UBE2N: variants seen among roughly 807,000 people sequenced by gnomAD.
The protein encoded by UBE2N is ubiquitin conjugating enzyme E2 N, also known as ubiquitin-conjugating enzyme E2 N.
For synonymous variants in UBE2N, 70 were observed against 69.2 expected (o/e 1.01, Z -0.06); for missense variants, 60 against 192.1 (o/e 0.31, Z 4.07).
chr12:93,440,116 T>G (rs1269325716), intron 1 of UBE2N, among the ~76,000 whole-genome samples: 2 of 152,234 alleles, frequency 1.3e-5, no homozygotes, highest in East Asian at 3.8e-4. Context: ...CACTATGTAT[T>G]TCAGAGAATT....
chr12:93,420,036 G>GTTCT (rs1365283863), intron 1 of UBE2N, among the ~76,000 whole-genome samples: 1 of 152,062 alleles, frequency 6.6e-6, no homozygotes, highest in East Asian at 1.9e-4. Flanking sequence ...CCCCTCCCTT[G>GTTCT]TTCTTTCTTT....
intron 1 of UBE2N, among the ~76,000 whole-genome samples, chr12:93,435,650 TA>T (rs1450726779): frequency 6.6e-6 from 1 of 152,248 alleles, no homozygotes; most frequent in African/African-American, 2.4e-5. Flanking sequence ...GTGAGTTTTC[TA>T]AATCACTTTT....
At position 93,405,788 on chromosome 12, in the gene UBE2N, T is replaced by C. The variant is rs930171356; in HGVS notation, c.*4251A>G. The stretch of plus-strand genomic sequence containing the variant: ...ATTTAAAGTATAAACCCTCATATAA[T>C]TCCCTAAGATGGGTGGCATGCCAAG... On this transcript the variant is annotated 3_prime_UTR_variant, in exon 4 of 4. Coordinates refer to ENST00000318066, the MANE Select transcript of UBE2N (RefSeq NM_003348.4). The C allele has an allele frequency of 6.6e-6, 1 of 152,202 alleles. No individual in the cohort carries two copies. The highest frequency in any genetic ancestry group is 1.5e-5 in the Non-Finnish European group (1 of 68,020). The allele number at this position is 152,202 out of a possible 1,614,324, so 9.4% of individuals were successfully genotyped here. A position where few individuals can be genotyped will look rare whatever the true frequency, so the allele number is the denominator to read the frequency against.
intron 3 of UBE2N, 83 bp from the exon 4 acceptor site, chr12:93,410,162 TATTA>T (rs1877992169): frequency 7.6e-7 from 1 of 1,321,662 alleles, no homozygotes; most frequent in Non-Finnish European, 1.1e-6. Flanking sequence ...AAACAACCAC[TATTA>T]ATTATGGAAA....
At chr12:93,441,800 C>T in intron 1 of UBE2N, 55 bp downstream of exon 1, 2 of 1,570,776 alleles carry the variant, frequency 1.3e-6, no homozygotes, top group South Asian at 1.2e-5. Flanking sequence ...CGCTGCCTGC[C>T]CAGCTGAGCC....
intron 1 of UBE2N, among the ~76,000 whole-genome samples, chr12:93,419,344 C>T (rs904246922): frequency 1.3e-5 from 2 of 151,414 alleles, no homozygotes; most frequent in Non-Finnish European, 2.9e-5. Context: ...GAGCCGAGAT[C>T]GTGCCACTGC....
chr12:93,418,144 T>TA (rs144788306), intron 1 of UBE2N, among the ~76,000 whole-genome samples: 12,415 of 151,976 alleles, frequency 0.082, 1,609 homozygotes, highest in African/African-American at 0.28. Flanking sequence ...AGTGAGCATT[T>TA]AAAAAATGTT....
rs1283874319 is a variant in UBE2N, at chr12:93,407,684, T to G, written c.*2355A>C. 1 of 152,196 alleles carries G rather than the reference T, an allele frequency of 6.6e-6. No homozygotes were observed. The highest frequency in any genetic ancestry group is 6.5e-5 in the Admixed American group (1 of 15,278). The allele number at this position is 152,196 out of a possible 1,614,324, so 9.4% of individuals were successfully genotyped here. Reference sequence around the variant, plus strand: ...TGGATTTTCATGCAAATCTCCCAATTTTTAAAAATGTTGGCATCAAATTCA... The same window carrying G: ...TGGATTTTCATGCAAATCTCCCAATGTTTAAAAATGTTGGCATCAAATTCA... On this transcript the variant is annotated 3_prime_UTR_variant, in exon 4 of 4. Transcript: ENST00000318066.
chr12:93,410,945 C>T, intron 2 of UBE2N, 71 bp from the exon 3 acceptor site: 3 of 1,613,724 alleles, frequency 1.9e-6, no homozygotes, highest in Non-Finnish European at 2.5e-6. Context: ...ACTTCCCTCC[C>T]ACAGACCTCT....
chr12:93,434,230 T>G (rs7303001), intron 1 of UBE2N, among the ~76,000 whole-genome samples: 6,319 of 152,280 alleles, frequency 0.041, 452 homozygotes, highest in African/African-American at 0.14. Flanking sequence ...AGGTGGAGAT[T>G]GCAGTTAGCC....
At chr12:93,410,215 T>C (rs1191006755) in intron 3 of UBE2N, 136 bp from the exon 4 acceptor site, 2 of 807,368 alleles carry the variant, frequency 2.5e-6, no homozygotes, top group Non-Finnish European at 3.8e-6. Flanking sequence ...CCTTTTTCTA[T>C]AAATTGGATC....
intron 1 of UBE2N, among the ~76,000 whole-genome samples, chr12:93,426,464 A>AC (rs1435295603): frequency 6.6e-6 from 1 of 152,108 alleles, no homozygotes; most frequent in Non-Finnish European, 1.5e-5. Flanking sequence ...GTGTAAGTAA[A>AC]CAGTTTTCTT....
intron 1 of UBE2N, among the ~76,000 whole-genome samples, chr12:93,419,149 C>T (rs575790400): frequency 6.6e-6 from 1 of 152,278 alleles, no homozygotes; most frequent in East Asian, 1.9e-4. Flanking sequence ...CCTATAATCC[C>T]AGCACTTTGG....
rs1877844320 is a variant in UBE2N at position 93,406,785 on chromosome 12, G to C, written c.*3254C>G. The C allele has an allele frequency of 6.6e-6, 1 of 152,154 alleles. No individual in the cohort carries two copies. Among genetic ancestry groups the C allele is most frequent in the Non-Finnish European group, 1.5e-5 (1 of 68,030 alleles). The allele number at this position is 152,154 out of a possible 1,614,324, so 9.4% of individuals were successfully genotyped here. ...ATATACAACATCATTTTATTCCAGA[G>C]ACTTGAGCATCTGCGAATTTGGATA... On this transcript the variant is annotated 3_prime_UTR_variant, in exon 4 of 4. Coordinates refer to ENST00000318066, the MANE Select transcript of UBE2N (RefSeq NM_003348.4).
chr12:93,420,332 C>G (rs988412802), intron 1 of UBE2N, among the ~76,000 whole-genome samples: 1 of 152,072 alleles, frequency 6.6e-6, no homozygotes, highest in Non-Finnish European at 1.5e-5. Flanking sequence ...AAACCTAGAC[C>G]AGATCAATAT....
chr12:93,429,670 T>C (rs1878700078), intron 1 of UBE2N, among the ~76,000 whole-genome samples: 1 of 152,082 alleles, frequency 6.6e-6, no homozygotes, highest in South Asian at 2.1e-4. Flanking sequence ...TGTGTGTTAC[T>C]GCCCCTGAAG....
chr12:93,427,036 C>T (rs1457846467), intron 1 of UBE2N, among the ~76,000 whole-genome samples: 1 of 152,198 alleles, frequency 6.6e-6, no homozygotes, highest in East Asian at 1.9e-4. Context: ...TCTCCCACCT[C>T]AGCCTCCCAA....
chr12:93,421,218 G>C (rs1489004179), intron 1 of UBE2N, among the ~76,000 whole-genome samples: 1 of 141,542 alleles, frequency 7.1e-6, no homozygotes, highest in African/African-American at 2.7e-5. Context: ...GGGGGGGCTG[G>C]GGGGACAGAT....
At position 93,409,557 on chromosome 12, in the gene UBE2N, G is replaced by A. The variant is rs1877971799; in HGVS notation, c.*482C>T. ...TGTCCATCTACAGCGTCTAAATAAA[G>A]TTAGACTTGGCTAGAGCATATTCTA... On this transcript the variant is annotated 3_prime_UTR_variant, in exon 4 of 4. Coordinates refer to ENST00000318066, the MANE Select transcript of UBE2N (RefSeq NM_003348.4). 6.0e-6 allele frequency: 1 copy of A among 167,380 alleles called. No homozygotes were observed. The highest frequency in any genetic ancestry group is 2.1e-4 in the South Asian group (1 of 4,864). The allele number at this position is 167,380 out of a possible 1,614,324, so 10.4% of individuals were successfully genotyped here.
Sources: gnomAD v4.1 joint callset for allele counts (sites outside exome capture counted in the v4.1 genomes callset) on GRCh38, gnomAD v4.1.1 for gene constraint, MANE v1.5 for transcripts, NCBI Gene and HGNC (gene_info 2026-07-23, HGNC 2026-07-21) for gene names.